The following GATAD2A variants were observed in gnomAD, a reference collection of about 807,000 sequenced individuals.
The protein encoded by GATAD2A is GATA zinc finger domain containing 2A.
Under a neutral mutation model 68.5 loss-of-function variants are expected in GATAD2A, and 12 were observed. That is an observed-to-expected ratio of 0.18 (90% confidence interval 0.11 to 0.28). GATAD2A has a LOEUF of 0.28. Ranked by LOEUF, GATAD2A falls within the 10% of genes least tolerant of loss-of-function variation. The pLI is 1.00. For missense variants in GATAD2A, 755 were observed against 868.5 expected, an observed-to-expected ratio of 0.87 and a Z score of 1.64; for synonymous variants, 410 against 375.3, an observed-to-expected ratio of 1.09 and a Z score of -1.07.
chr19:19,462,963 A>G (rs1192379120), intron 1 of GATAD2A, among the ~76,000 whole-genome samples: 1 of 152,072 alleles, frequency 6.6e-6, no homozygotes, highest in African/African-American at 2.4e-5. Flanking sequence ...AGTGGGGAGC[A>G]TGGGGGTTTC....
At chr19:19,493,182 G>A (rs1038705428) in intron 4 of GATAD2A, among the ~76,000 whole-genome samples, 3 of 152,150 alleles carry the variant, frequency 2.0e-5, no homozygotes, top group Non-Finnish European at 2.9e-5. Flanking sequence ...CTCGTGATCC[G>A]CCCACACGGG....
intron 1 of GATAD2A, among the ~76,000 whole-genome samples, chr19:19,462,244 G>A (rs557631762): frequency 1.8e-4 from 28 of 152,298 alleles, no homozygotes; most frequent in African/African-American, 6.5e-4. Flanking sequence ...CGCTTGCTTC[G>A]AGGAGGGAGG....
At chr19:19,496,688 A>G (rs1449048717) in intron 7 of GATAD2A, among the ~76,000 whole-genome samples, 3 of 152,188 alleles carry the variant, frequency 2.0e-5, no homozygotes, top group African/African-American at 7.2e-5. Context: ...AGGTGCGCCT[A>G]TTCTTAGCCG....
At chr19:19,479,831 CTTTTTTTTTTTTTTTT>C (rs35537344) in intron 2 of GATAD2A, among the ~76,000 whole-genome samples, 1 of 85,578 alleles carries the variant, frequency 1.2e-5, no homozygotes, top group African/African-American at 4.8e-5. Flanking sequence ...GTGGCCCACT[CTTTTTTTTTTTTTTTT>C]TTTTTTTTGA....
chr19:19,508,018 A>AC lies in GATAD2A; in HGVS notation c.*2547dup, dbSNP rs1413742598. ...GGGTGTTCTACCCACAGCAAAGCACACCCTCTTAAACCAGGCACTGCCTGG... is the reference window on the plus strand; with the variant it reads ...GGGTGTTCTACCCACAGCAAAGCACACCCCTCTTAAACCAGGCACTGCCTGG... On this transcript the variant is annotated 3_prime_UTR_variant, in exon 12 of 12. Coordinates refer to ENST00000683918, the MANE Select transcript of GATAD2A (RefSeq NM_001384528.1). 6.6e-6 allele frequency: 1 copy of AC among 151,810 alleles called. No individual in the cohort carries two copies. The highest frequency in any genetic ancestry group is 2.4e-5 in the African/African-American group (1 of 41,280). The allele number at this position is 151,810 out of a possible 1,614,324, so 9.4% of individuals were successfully genotyped here. A position where few individuals can be genotyped will look rare whatever the true frequency, so the allele number is the denominator to read the frequency against.
At chr19:19,477,991 G>A (rs1396621348) in intron 2 of GATAD2A, among the ~76,000 whole-genome samples, 1 of 152,218 alleles carries the variant, frequency 6.6e-6, no homozygotes, top group African/African-American at 2.4e-5. Context: ...AGAACCTTAA[G>A]GTGACCAAAT....
At chr19:19,406,797 G>C (rs2050331037) in intron 1 of GATAD2A, among the ~76,000 whole-genome samples, 1 of 152,206 alleles carries the variant, frequency 6.6e-6, no homozygotes, top group African/African-American at 2.4e-5. Context: ...CAGGCTGAGA[G>C]CCTGACGGAC....
intron 1 of GATAD2A, among the ~76,000 whole-genome samples, chr19:19,410,063 GCA>G (rs1028253855): frequency 1.3e-5 from 2 of 152,190 alleles, no homozygotes; most frequent in African/African-American, 2.4e-5. Context: ...GCACCAGTTT[GCA>G]CAGTTGCCAG....
intron 2 of GATAD2A, among the ~76,000 whole-genome samples, chr19:19,481,712 T>G (rs983091586): frequency 2.0e-5 from 3 of 152,240 alleles, no homozygotes; most frequent in Non-Finnish European, 2.9e-5. Context: ...CACATCTGTG[T>G]CCTCACACTG....
intron 1 of GATAD2A, among the ~76,000 whole-genome samples, chr19:19,463,480 G>C (rs968288946): frequency 6.6e-6 from 1 of 152,156 alleles, no homozygotes; most frequent in African/African-American, 2.4e-5. Context: ...TCCATTCCAC[G>C]GAGGAGCTGA....
intron 1 of GATAD2A, among the ~76,000 whole-genome samples, chr19:19,388,665 G>C (rs923829611): frequency 6.6e-6 from 1 of 151,814 alleles, no homozygotes; most frequent in Non-Finnish European, 1.5e-5. Context: ...AGACAAAAGG[G>C]ACAAGGGAGA....
At chr19:19,455,076 C>T (rs1214992124) in intron 1 of GATAD2A, among the ~76,000 whole-genome samples, 2 of 152,090 alleles carry the variant, frequency 1.3e-5, no homozygotes, top group Non-Finnish European at 2.9e-5. Flanking sequence ...TGGGGTAAGC[C>T]AGGCATGGTG....
chr19:19,411,213 G>C (rs766422462), intron 1 of GATAD2A, among the ~76,000 whole-genome samples: 1 of 152,200 alleles, frequency 6.6e-6, no homozygotes, highest in Non-Finnish European at 1.5e-5. Flanking sequence ...CTCATTATTC[G>C]GCGGCTGGGA....
At chr19:19,415,984 G>A (rs2051583810) in intron 1 of GATAD2A, among the ~76,000 whole-genome samples, 1 of 151,720 alleles carries the variant, frequency 6.6e-6, no homozygotes, top group East Asian at 1.9e-4. Context: ...AAGAGACATG[G>A]TTTTGCTCTG....
At chr19:19,489,450 C>CT (rs2059643060) in intron 2 of GATAD2A, among the ~76,000 whole-genome samples, 1 of 152,218 alleles carries the variant, frequency 6.6e-6, no homozygotes, top group African/African-American at 2.4e-5. Context: ...TGTCACATGA[C>CT]TTTTTGGTGG....
intron 1 of GATAD2A, among the ~76,000 whole-genome samples, chr19:19,454,248 G>A (rs2056702944): frequency 6.6e-6 from 1 of 150,422 alleles, no homozygotes; most frequent in South Asian, 2.1e-4. Context: ...TGCCCACCTT[G>A]GCCTCCCGAA....
intron 1 of GATAD2A, among the ~76,000 whole-genome samples, chr19:19,449,509 G>A (rs989647192): frequency 5.3e-5 from 8 of 151,536 alleles, no homozygotes; most frequent in African/African-American, 7.3e-5. Context: ...TTTTTAAAAC[G>A]TTGATGGTTA....
intron 2 of GATAD2A, among the ~76,000 whole-genome samples, chr19:19,477,925 C>T (rs147046101): frequency 3.3e-5 from 5 of 152,286 alleles, no homozygotes; most frequent in South Asian, 2.1e-4. Context: ...GGGCGTCGCC[C>T]GCTTTCTGTG....
intron 1 of GATAD2A, among the ~76,000 whole-genome samples, chr19:19,440,830 A>T (rs933346091): frequency 6.6e-6 from 1 of 152,170 alleles, no homozygotes; most frequent in Non-Finnish European, 1.5e-5. Context: ...TAACTTTAAA[A>T]CGTAGTTTGA....
Sources: allele counts gnomAD v4.1 joint callset (sites outside exome capture counted in the v4.1 genomes callset), GRCh38; gene constraint gnomAD v4.1.1; transcripts MANE v1.5; gene names NCBI Gene and HGNC (gene_info 2026-07-23, HGNC 2026-07-21).